Variants in SMCO4 observed in about 807,000 individuals in gnomAD.
The protein encoded by SMCO4 is single-pass membrane and coiled-coil domain-containing protein 4.
In SMCO4, 4 loss-of-function variants were observed where a neutral mutation model predicts 3.6. The ratio of observed to expected loss-of-function variants is 1.11; its 90% CI spans 0.54 to 2.53. The LOEUF (loss-of-function observed/expected upper bound fraction) is 2.53, where lower values mean the gene tolerates loss of function less well. Among genes scored for constraint, SMCO4 ranks in the 30% most tolerant of loss-of-function variants. The pLI is 0.02. For missense variants in SMCO4, 70 were observed against 80.8 expected (o/e 0.87, Z 0.51); for synonymous variants, 36 against 35.3 (o/e 1.02, Z -0.07).
chr11:93,492,725 C>T (rs1319492953), intron 2 of SMCO4, among the ~76,000 whole-genome samples: 1 of 152,120 alleles, frequency 6.6e-6, no homozygotes, highest in Non-Finnish European at 1.5e-5. Context: ...TAAGGGGTAG[C>T]AAGGGGCCAG....
intron 2 of SMCO4, among the ~76,000 whole-genome samples, chr11:93,490,881 TGAA>T (rs1196748813): frequency 6.6e-6 from 1 of 152,228 alleles, no homozygotes; most frequent in African/African-American, 2.4e-5. Flanking sequence ...AATAGGATGC[TGAA>T]GAAGGGACTT....
intron 2 of SMCO4, 107 bp from the exon 3 acceptor site, chr11:93,479,376 C>T (rs1325858149): frequency 8.9e-7 from 1 of 1,120,598 alleles, no homozygotes; most frequent in African/African-American, 1.6e-5. Flanking sequence ...ACTTACATGA[C>T]AAAGGGCTAA....
chr11:93,519,469 T>G (rs1333529881), intron 1 of SMCO4, among the ~76,000 whole-genome samples: 1 of 152,172 alleles, frequency 6.6e-6, no homozygotes, highest in Non-Finnish European at 1.5e-5. Flanking sequence ...ACAACTCAAT[T>G]AATTCATTGT....
intron 2 of SMCO4, among the ~76,000 whole-genome samples, chr11:93,497,949 G>C (rs1243982687): frequency 1.3e-5 from 2 of 152,192 alleles, no homozygotes; most frequent in African/African-American, 4.8e-5. Flanking sequence ...AGAACTGTCA[G>C]TTGATTATTT....
chr11:93,498,787 A>C (rs1948804653), intron 2 of SMCO4, among the ~76,000 whole-genome samples: 1 of 152,216 alleles, frequency 6.6e-6, no homozygotes, highest in Non-Finnish European at 1.5e-5. Context: ...GGGTCCACAC[A>C]GGAGCAGGCC....
At chr11:93,551,159 A>AC in the SMCO4 span, among the ~76,000 whole-genome samples, 1 of 99,902 alleles carries the variant, frequency 1.0e-5, no homozygotes, top group Non-Finnish European at 2.2e-5. Flanking sequence ...ATCAGTGGAG[A>AC]GAAAAAATGT....
upstream of SMCO4, among the ~76,000 whole-genome samples, chr11:93,546,848 T>A (rs1191370783): frequency 2.0e-5 from 3 of 152,228 alleles, no homozygotes; most frequent in African/African-American, 7.2e-5. Flanking sequence ...GGTACTGTTC[T>A]GCCCCTCACT....
intron 2 of SMCO4, among the ~76,000 whole-genome samples, chr11:93,483,838 G>A (rs1189462992): frequency 6.6e-6 from 1 of 152,202 alleles, no homozygotes; most frequent in Non-Finnish European, 1.5e-5. Flanking sequence ...AGCCTGGACA[G>A]TCCCCACCTT....
At chr11:93,486,447 T>C (rs1269093490) in intron 2 of SMCO4, among the ~76,000 whole-genome samples, 1 of 152,212 alleles carries the variant, frequency 6.6e-6, no homozygotes, top group Non-Finnish European at 1.5e-5. Context: ...AACACAAGCC[T>C]TCTTGGTATG....
chr11:93,507,664 C>CATTG lies in SMCO4; in HGVS notation c.-153-8320_-153-8317dup, dbSNP rs138490016. On this transcript the variant is annotated intron_variant, in intron 1 of 2. Coordinates refer to ENST00000298966, the MANE Select transcript of SMCO4 (RefSeq NM_020179.3). ...TAATGTAACAGCATTATGAAAAGTT[C>CATTG]ATTGATTGGTTTCAGAGTCTATGTT... is the stretch of plus-strand genomic sequence containing the variant. 1.4e-3 allele frequency among the ~76,000 whole-genome samples: 210 copies of CATTG among 152,318 alleles called. 1 individual carries two copies. In the East Asian group the frequency reaches 0.034, roughly 25 times the overall value.
intron 2 of SMCO4, among the ~76,000 whole-genome samples, chr11:93,498,693 G>A (rs900085036): frequency 3.9e-5 from 6 of 152,198 alleles, no homozygotes; most frequent in Non-Finnish European, 5.9e-5. Flanking sequence ...CAGGAATTTC[G>A]GATGAATGCT....
At position 93,479,163 on chromosome 11, in the gene SMCO4, C is replaced by G; in HGVS notation, c.27G>C (p.Lys9Asn). Residue 9 changes from lysine to asparagine, a missense_variant, in exon 3 of 3, where the codon AAG becomes AAC. Lys to Asn is a moderately conservative substitution (Grantham distance 94, BLOSUM62 0). Transcript: ENST00000298966. ...CCTTCTTGTCCTTGGAGGTCTCCTT[C>G]TTGGGCTTCCCTTTGAGCTGCCGCA... MRQLKGKPKKETSKDKKER... is the reference protein window; with the variant it reads MRQLKGKPNKETSKDKKER... 6.2e-7 allele frequency: 1 copy of G among 1,614,090 alleles called. No homozygotes were observed. Among genetic ancestry groups the G allele is most frequent in the South Asian group, 1.1e-5 (1 of 91,078 alleles).
At chr11:93,544,722 C>T (rs1456133621), upstream of SMCO4, among the ~76,000 whole-genome samples, 4 of 152,150 alleles carry the variant, frequency 2.6e-5, no homozygotes. Context: ...GGGGATTGGG[C>T]TGCATACACC....
At chr11:93,552,253 T>C in the SMCO4 span, among the ~76,000 whole-genome samples, 1 of 146,336 alleles carries the variant, frequency 6.8e-6, no homozygotes, top group Non-Finnish European at 1.5e-5. Context: ...TCCTCCAGGG[T>C]TCAAGCCTTC....
At chr11:93,544,330 C>T (rs954727746), upstream of SMCO4, among the ~76,000 whole-genome samples, 1 of 152,154 alleles carries the variant, frequency 6.6e-6, no homozygotes, top group African/African-American at 2.4e-5. Context: ...ACCTTTTCAC[C>T]TTAAAACCTT....
Position 93,524,186 on chromosome 11 carries a change from C to T in SMCO4, c.-154+19090G>A, listed in dbSNP as rs1056842992. Among the ~76,000 whole-genome samples, 3 of 152,168 alleles carry T rather than the reference C, an allele frequency of 2.0e-5. No homozygotes were observed. In the East Asian group the frequency reaches 5.8e-4, roughly 29 times the overall value. The stretch of plus-strand genomic sequence containing the variant: ...TCTCATATATATCTTACCACAGCCT[C>T]TTTTAGATTGTACTATCATCACCAA... On this transcript the variant is annotated intron_variant, in intron 1 of 2. Coordinates refer to ENST00000298966, the MANE Select transcript of SMCO4 (RefSeq NM_020179.3).
intron 2 of SMCO4, among the ~76,000 whole-genome samples, chr11:93,489,395 CAGGGAGAGA>C: frequency 6.6e-6 from 1 of 152,070 alleles, no homozygotes; most frequent in South Asian, 2.1e-4. Context: ...GCTTAGGAGG[CAGGGAGAGA>C]AGGGAGATGT....
At chr11:93,503,471 A>G (rs1948865592) in intron 1 of SMCO4, among the ~76,000 whole-genome samples, 1 of 152,202 alleles carries the variant, frequency 6.6e-6, no homozygotes. Flanking sequence ...GGACACAACC[A>G]AACCATATCA....
At chr11:93,550,523 A>C in the SMCO4 span, among the ~76,000 whole-genome samples, 1 of 152,088 alleles carries the variant, frequency 6.6e-6, no homozygotes, top group Non-Finnish European at 1.5e-5. Context: ...TTAAAAAATA[A>C]AAATAGCCAG....
Sources: gnomAD v4.1 joint callset for allele counts (sites outside exome capture counted in the v4.1 genomes callset) on GRCh38, gnomAD v4.1.1 for gene constraint, MANE v1.5 for transcripts, NCBI Gene and HGNC (gene_info 2026-07-23, HGNC 2026-07-21) for gene names.